CCDC81: variants seen among roughly 807,000 people sequenced by gnomAD.
CCDC81 encodes the protein coiled-coil domain-containing protein 81.
Under a neutral mutation model 83.7 loss-of-function variants are expected in CCDC81, and 79 were observed. The ratio of observed to expected loss-of-function variants is 0.94; its 90% CI spans 0.79 to 1.14. The LOEUF (loss-of-function observed/expected upper bound fraction) is 1.14, where lower values mean the gene tolerates loss of function less well. Among genes scored for constraint, CCDC81 ranks in the 50% most tolerant of loss-of-function variants. The probability of loss-of-function intolerance (pLI) is 0.00; values close to 1 mark genes in which losing one functional copy is unlikely to be tolerated. For missense variants in CCDC81, 791 were observed against 778.1 expected, an observed-to-expected ratio of 1.02 and a Z score of -0.20; for synonymous variants, 252 against 278.1, an observed-to-expected ratio of 0.91 and a Z score of 0.93.
At chr11:86,414,680 C>A in intron 11 of CCDC81, 109 bp from the exon 12 acceptor site, 1 of 646,466 alleles carries the variant, frequency 1.5e-6, no homozygotes, top group Non-Finnish European at 2.7e-6. Context: ...TTTTATTTAC[C>A]AGACTCTTGT....
In CCDC81 at chr11:86,382,974, T is replaced by C. The variant is rs115859162; in HGVS notation, c.80-3077T>C. ...GCAAGAGCTGAAGTGAAAGTCAAAC[T>C]ACTATTTATTACCTTTCACAAATTA... is the stretch of plus-strand genomic sequence containing the variant. On this transcript the variant is annotated intron_variant, in intron 1 of 14. Transcript: ENST00000445632. 5.6e-3 allele frequency among the ~76,000 whole-genome samples: 851 copies of C among 152,368 alleles called. 12 individuals are homozygous for C. Among genetic ancestry groups the C allele is most frequent in the African/African-American group, 0.02 (812 of 41,588 alleles).
chr11:86,418,573 T>A (rs1171096071), intron 13 of CCDC81, among the ~76,000 whole-genome samples: 1 of 152,226 alleles, frequency 6.6e-6, no homozygotes, highest in Non-Finnish European at 1.5e-5. Flanking sequence ...TGCTACACTG[T>A]GGATGACCCT....
intron 10 of CCDC81, among the ~76,000 whole-genome samples, chr11:86,410,742 CCTTT>C (rs1019080073): frequency 1.3e-5 from 2 of 152,156 alleles, no homozygotes; most frequent in African/African-American, 2.4e-5. Context: ...TTAACCTGTT[CCTTT>C]CTGTCTTCTC....
chr11:86,389,707 C>A (rs1397962888), intron 3 of CCDC81, among the ~76,000 whole-genome samples: 2 of 152,190 alleles, frequency 1.3e-5, no homozygotes, highest in South Asian at 4.1e-4. Flanking sequence ...GAGATTTGGG[C>A]AGGGACACAA....
At position 86,419,996 on chromosome 11, in the gene CCDC81, G is replaced by A; in HGVS notation, c.1760G>A (p.Trp587Ter). 1 of 1,613,972 alleles carries A rather than the reference G, an allele frequency of 6.2e-7. No homozygotes were observed. Among genetic ancestry groups the A allele is most frequent in the Non-Finnish European group, 8.5e-7 (1 of 1,179,950 alleles). Reference sequence around the variant, plus strand: ...GTCAACCAATGCTTACAGGAGGACTGGGAAAGGAGTGCTGCGATGAAGAAG... The same window carrying A: ...GTCAACCAATGCTTACAGGAGGACTAGGAAAGGAGTGCTGCGATGAAGAAG... ...NRVNQCLQEDWERSAAMKKQR... is the reference protein window; with the variant it reads ...NRVNQCLQED Residue 587 changes from tryptophan to a stop codon, truncating the protein, a stop_gained, in exon 14 of 15, where the codon TGG becomes TAG. Transcript: ENST00000445632. LOFTEE classifies it high-confidence loss of function.
At chr11:86,397,554 C>T (rs911943684) in intron 5 of CCDC81, 67 bp from the exon 6 acceptor site, 12 of 1,531,452 alleles carry the variant, frequency 7.8e-6, no homozygotes, top group South Asian at 1.3e-5. Context: ...GCTTCCAAAA[C>T]TTGAGAGTTC....
At position 86,392,718 on chromosome 11, in the gene CCDC81, G is replaced by T; in HGVS notation, c.476G>T (p.Ser159Ile). ...KGIGVLMIRD[S>I]KVKMRFYKDF... ...ATTGGGGTCCTCATGATCAGAGACA[G>T]CAAAGTGAAGATGAGGTTTTATAAA... is the stretch of plus-strand genomic sequence containing the variant. The change falls in exon 4 of 15, where the codon AGC (serine) becomes ATC (isoleucine). Residue 159 changes from serine to isoleucine, a missense_variant. Coordinates refer to ENST00000445632, the MANE Select transcript of CCDC81 (RefSeq NM_001156474.2). The T allele has an allele frequency of 6.4e-7, 1 of 1,551,678 alleles. No homozygotes were observed. The highest frequency in any genetic ancestry group is 8.7e-7 in the Non-Finnish European group (1 of 1,146,952).
Position 86,375,059 on chromosome 11 carries a change from C to G in CCDC81, c.-105C>G. The stretch of plus-strand genomic sequence containing the variant: ...TATTTTTAAGGCACATCCAAAGCTC[C>G]GTGGAGAAGGGGCTGGAGGGTGGGA... On this transcript the variant is annotated 5_prime_UTR_variant, in exon 1 of 15. Transcript: ENST00000445632. 1.0e-6 allele frequency: 1 copy of G among 966,444 alleles called. No individual in the cohort carries two copies. Among genetic ancestry groups the G allele is most frequent in the Non-Finnish European group, 1.7e-6 (1 of 594,672 alleles). 59.9% of individuals were successfully genotyped at this position (966,444 alleles called of 1,614,324 possible). A position where few individuals can be genotyped will look rare whatever the true frequency, so the allele number is the denominator to read the frequency against.
intron 11 of CCDC81, among the ~76,000 whole-genome samples, chr11:86,414,073 C>T (rs1948683167): frequency 6.6e-6 from 1 of 152,080 alleles, no homozygotes; most frequent in African/African-American, 2.4e-5. Context: ...TATAATAGAA[C>T]CATAATTTTT....
Position 86,412,504 on chromosome 11 carries a change from CAA to C in CCDC81, c.1338_1339del (p.Arg447ThrfsTer29). 6.2e-7 allele frequency: 1 copy of C among 1,613,850 alleles called. No individual in the cohort carries two copies. The highest frequency in any genetic ancestry group is 8.5e-7 in the Non-Finnish European group (1 of 1,179,900). ...TAACAGACAGGAAAACGAAATAAAG[CAA>C]AGACAATACAGAGAGTTGATGGACC... is the stretch of plus-strand genomic sequence containing the variant. ...MDNRQENEIK[Q>X]RQYRELMDRL... On this transcript the variant is annotated frameshift_variant, in exon 11 of 15. Transcript: ENST00000445632. LOFTEE classifies it high-confidence loss of function.
In CCDC81 at chr11:86,387,501, G is replaced by T; in HGVS notation, c.142-15G>T. ...CCTTCAATGAATTCTGTTTTGTTTT[G>T]TTTTTTCCTTTCAGGGGGTTCAGAT... is the stretch of plus-strand genomic sequence containing the variant. On this transcript the variant is annotated splice_polypyrimidine_tract_variant and intron_variant, in intron 2 of 14. Transcript: ENST00000445632. 6.2e-7 allele frequency: 1 copy of T among 1,611,770 alleles called. No homozygotes were observed. Among genetic ancestry groups the T allele is most frequent in the Non-Finnish European group, 8.5e-7 (1 of 1,179,234 alleles).
intron 1 of CCDC81, among the ~76,000 whole-genome samples, chr11:86,376,991 G>A (rs1409538564): frequency 1.3e-5 from 2 of 152,168 alleles, no homozygotes; most frequent in South Asian, 2.1e-4. Flanking sequence ...TCTTTCCACG[G>A]TCTTCATAGT....
At chr11:86,387,909 A>G (rs914414075) in intron 3 of CCDC81, among the ~76,000 whole-genome samples, 17 of 152,194 alleles carry the variant, frequency 1.1e-4, no homozygotes, top group African/African-American at 4.1e-4. Flanking sequence ...GATGTAACGT[A>G]AAGGAAAATT....
chr11:86,377,732 C>G (rs1483926393), intron 1 of CCDC81, among the ~76,000 whole-genome samples: 1 of 151,894 alleles, frequency 6.6e-6, no homozygotes, highest in African/African-American at 2.4e-5. Flanking sequence ...TTCTCATTCT[C>G]TTGACATTGT....
intron 1 of CCDC81, 123 bp downstream of exon 1, chr11:86,375,365 C>T (rs1161015218): frequency 6.7e-6 from 5 of 745,352 alleles, no homozygotes; most frequent in Non-Finnish European, 1.1e-5. Flanking sequence ...GCTAAGTTGC[C>T]TTGACAACCA....
intron 13 of CCDC81, among the ~76,000 whole-genome samples, chr11:86,417,805 T>G (rs12288560): frequency 0.091 from 13,727 of 151,668 alleles, 1,190 homozygotes; most frequent in African/African-American, 0.23. Flanking sequence ...TGGAGTGCAG[T>G]GGTGCGATCT....
Position 86,408,209 on chromosome 11 carries a change from A to T in CCDC81, c.1052A>T (p.Asp351Val). The T allele has an allele frequency of 6.2e-7, 1 of 1,614,108 alleles. No homozygotes were observed. The highest frequency in any genetic ancestry group is 8.5e-7 in the Non-Finnish European group (1 of 1,179,968). Residue 351 changes from aspartate (D) to valine (V), a missense_variant, in exon 9 of 15, where the codon GAT becomes GTT. Coordinates refer to ENST00000445632, the MANE Select transcript of CCDC81 (RefSeq NM_001156474.2). ...GAGGAAAGGAGGAGAGAGATAGAAGATGAGAGACTCATACAGCAGTATCAG... is the reference window on the plus strand; with the variant it reads ...GAGGAAAGGAGGAGAGAGATAGAAGTTGAGAGACTCATACAGCAGTATCAG... ...YSEERRREIE[D>V]ERLIQQYQML...
intron 11 of CCDC81, among the ~76,000 whole-genome samples, chr11:86,412,937 A>T (rs1948667335): frequency 6.6e-6 from 1 of 152,156 alleles, no homozygotes; most frequent in African/African-American, 2.4e-5. Context: ...TGTGTTAGTC[A>T]GCGCAATAGA....
chr11:86,387,676 A>G lies in CCDC81; in HGVS notation c.298+4A>G. 1 of 1,584,350 alleles carries G rather than the reference A, an allele frequency of 6.3e-7. No homozygotes were observed. The highest frequency in any genetic ancestry group is 1.1e-5 in the South Asian group (1 of 88,010). On this transcript the variant is annotated splice_donor_region_variant and intron_variant, in intron 3 of 14. Coordinates refer to ENST00000445632, the MANE Select transcript of CCDC81 (RefSeq NM_001156474.2). ...CAAAACAAAGTATATACTCCTGGTA[A>G]ATAATTCTGATATGTAGGATTTTCC...
Sources: gnomAD v4.1 joint callset for allele counts (sites outside exome capture counted in the v4.1 genomes callset) on GRCh38, gnomAD v4.1.1 for gene constraint, MANE v1.5 for transcripts, NCBI Gene and HGNC (gene_info 2026-07-23, HGNC 2026-07-21) for gene names.